Variants in GRM7 observed in about 807,000 individuals in gnomAD.
GRM7 encodes metabotropic glutamate receptor 7.
Under a neutral mutation model 84.5 loss-of-function variants are expected in GRM7, and 35 were observed. The observed-to-expected ratio is 0.41, with a 90% CI of 0.32 to 0.55. The LOEUF (loss-of-function observed/expected upper bound fraction) is 0.55, where lower values mean the gene tolerates loss of function less well. Ranked by LOEUF, GRM7 falls within the 20% of genes least tolerant of loss-of-function variation. The probability of loss-of-function intolerance (pLI) is 0.19; values close to 1 mark genes in which losing one functional copy is unlikely to be tolerated. For synonymous variants in GRM7, 487 were observed against 455.1 expected, an observed-to-expected ratio of 1.07 and a Z score of -0.89; for missense variants, 1,003 against 1,194.6, an observed-to-expected ratio of 0.84 and a Z score of 2.36.
intron 7 of GRM7, among the ~76,000 whole-genome samples, chr3:7,517,969 C>T (rs558162487): frequency 6.6e-6 from 1 of 152,232 alleles, no homozygotes; most frequent in East Asian, 1.9e-4. Context: ...TCTAAAATGT[C>T]GATGTGTGAT....
intron 7 of GRM7, among the ~76,000 whole-genome samples, chr3:7,526,643 T>G (rs548782616): frequency 6.6e-6 from 1 of 152,034 alleles, no homozygotes; most frequent in African/African-American, 2.4e-5. Context: ...TCTTGCAGGA[T>G]TTTTATAGTT....
intron 1 of GRM7, among the ~76,000 whole-genome samples, chr3:7,070,728 A>T (rs1697845637): frequency 1.4e-5 from 2 of 147,460 alleles, no homozygotes; most frequent in Non-Finnish European, 3.0e-5. Flanking sequence ...TGCTCATATG[A>T]CATTTTTTTC....
chr3:7,346,071 C>A lies in GRM7; in HGVS notation c.1033+39419C>A, dbSNP rs546719323. Among the ~76,000 whole-genome samples the A allele has an allele frequency of 3.3e-5, 5 of 152,110 alleles. No homozygotes were observed. The East Asian group carries it at 9.7e-4, about 29-fold the overall frequency. ...GTCTCTAATTAAGCTATTTATATAC[C>A]TAGGAGACCTGTGGTAAATACTCTT... is the stretch of plus-strand genomic sequence containing the variant. On this transcript the variant is annotated intron_variant, in intron 4 of 9. Transcript: ENST00000357716.
intron 1 of GRM7, among the ~76,000 whole-genome samples, chr3:7,006,349 G>A (rs1276542569): frequency 6.6e-6 from 1 of 152,144 alleles, no homozygotes; most frequent in Non-Finnish European, 1.5e-5. Context: ...GTGAAAAACT[G>A]TCTTTATGTG....
intron 1 of GRM7, among the ~76,000 whole-genome samples, chr3:7,121,340 TCC>T (rs1693211560): frequency 3.7e-5 from 3 of 81,664 alleles, no homozygotes; most frequent in African/African-American, 1.5e-4. Context: ...TATTCATCCA[TCC>T]ATCCATCCAT....
chr3:7,390,225 G>A (rs947489693), intron 4 of GRM7, among the ~76,000 whole-genome samples: 2 of 152,064 alleles, frequency 1.3e-5, no homozygotes, highest in African/African-American at 2.4e-5. Context: ...GAAGTCCACC[G>A]TTATTCTGAT....
intron 4 of GRM7, among the ~76,000 whole-genome samples, chr3:7,329,717 A>G (rs1285991672): frequency 1.3e-5 from 2 of 152,306 alleles, no homozygotes; most frequent in Non-Finnish European, 1.5e-5. Flanking sequence ...GCTGTTCAGT[A>G]GCATTGTGTG....
At chr3:7,453,534 A>G (rs537667279) in intron 6 of GRM7, among the ~76,000 whole-genome samples, 8 of 152,284 alleles carry the variant, frequency 5.3e-5, no homozygotes, top group South Asian at 2.1e-4. Context: ...AAGGTATTTT[A>G]AAGGACACAA....
intron 7 of GRM7, among the ~76,000 whole-genome samples, chr3:7,464,027 G>A (rs1331480084): frequency 6.6e-6 from 1 of 152,136 alleles, no homozygotes; most frequent in Non-Finnish European, 1.5e-5. Flanking sequence ...TAAGTGAGGT[G>A]GTTCTCAAAC....
intron 1 of GRM7, among the ~76,000 whole-genome samples, chr3:6,974,681 T>C (rs1252912646): frequency 6.6e-6 from 1 of 152,090 alleles, no homozygotes; most frequent in African/African-American, 2.4e-5. Context: ...CCTGATGGGG[T>C]AAGATAAGGA....
intron 1 of GRM7, among the ~76,000 whole-genome samples, chr3:7,065,986 T>A (rs1043929351): frequency 4.0e-5 from 6 of 151,710 alleles, no homozygotes. Context: ...TGAATGACAA[T>A]AATGATACAA....
intron 1 of GRM7, among the ~76,000 whole-genome samples, chr3:6,970,899 G>A (rs1284903344): frequency 6.6e-6 from 1 of 151,956 alleles, no homozygotes; most frequent in Non-Finnish European, 1.5e-5. Context: ...GGAGAATGGC[G>A]TGAACCCGGG....
At chr3:7,107,642 A>T (rs969594071) in intron 1 of GRM7, among the ~76,000 whole-genome samples, 2 of 152,074 alleles carry the variant, frequency 1.3e-5, no homozygotes, top group African/African-American at 4.8e-5. Flanking sequence ...AAGAAGAGAT[A>T]CCTGTAAAAT....
At chr3:6,934,324 T>C (rs1697610942) in intron 1 of GRM7, among the ~76,000 whole-genome samples, 1 of 152,146 alleles carries the variant, frequency 6.6e-6, no homozygotes, top group South Asian at 2.1e-4. Flanking sequence ...CATTTCACAA[T>C]TTTTAATATC....
chr3:7,108,704 G>A (rs1485584488), intron 1 of GRM7, among the ~76,000 whole-genome samples: 1 of 151,908 alleles, frequency 6.6e-6, no homozygotes, highest in Non-Finnish European at 1.5e-5. Flanking sequence ...CAGCTACTTC[G>A]GGCAAGTAAG....
At chr3:7,719,426 A>T (rs1464360796) in intron 9 of GRM7, among the ~76,000 whole-genome samples, 1 of 152,114 alleles carries the variant, frequency 6.6e-6, no homozygotes, top group Non-Finnish European at 1.5e-5. Flanking sequence ...GGCCTAAGGG[A>T]TTGTATTGAA....
At chr3:7,684,851 A>G (rs1276284040) in intron 9 of GRM7, among the ~76,000 whole-genome samples, 2 of 152,206 alleles carry the variant, frequency 1.3e-5, no homozygotes, top group East Asian at 1.9e-4. Context: ...GCTGTAGCTC[A>G]GCTACTTACT....
At chr3:7,354,610 A>T (rs1278743790) in intron 4 of GRM7, among the ~76,000 whole-genome samples, 2 of 152,130 alleles carry the variant, frequency 1.3e-5, no homozygotes, top group African/African-American at 2.4e-5. Flanking sequence ...GACTTGACAG[A>T]TGTAGGGGTG....
intron 7 of GRM7, among the ~76,000 whole-genome samples, chr3:7,474,449 A>G (rs1246041899): frequency 6.6e-6 from 1 of 152,062 alleles, no homozygotes; most frequent in East Asian, 1.9e-4. Context: ...TCAAAAAAAA[A>G]AAAAAAATTG....
Sources: allele counts gnomAD v4.1 joint callset (sites outside exome capture counted in the v4.1 genomes callset), GRCh38; gene constraint gnomAD v4.1.1; transcripts MANE v1.5; gene names NCBI Gene and HGNC (gene_info 2026-07-23, HGNC 2026-07-21).